TASP1: variants seen among roughly 807,000 people sequenced by gnomAD.
TASP1 encodes threonine aspartase 1.
TASP1 carries 16 observed loss-of-function variants against 56.6 expected under a neutral mutation model. The ratio of observed to expected loss-of-function variants is 0.28; its 90% CI spans 0.19 to 0.43. TASP1 has a LOEUF of 0.43. TASP1 is among the 20% of genes least tolerant of loss of function. TASP1 has a pLI of 1.00. For synonymous variants in TASP1, 179 were observed against 184.2 expected (o/e 0.97, Z 0.23); for missense variants, 393 against 511.6 (o/e 0.77, Z 2.24).
the TASP1 span, among the ~76,000 whole-genome samples, chr20:13,138,538 C>T: frequency 6.6e-6 from 1 of 152,184 alleles, no homozygotes; most frequent in Non-Finnish European, 1.5e-5. Flanking sequence ...GCACCTTAAG[C>T]ATCAAATACG....
At chr20:13,139,333 T>C in the TASP1 span, among the ~76,000 whole-genome samples, 1 of 151,908 alleles carries the variant, frequency 6.6e-6, no homozygotes, top group African/African-American at 2.4e-5. Flanking sequence ...ATTAGTTAAG[T>C]TATGTTACTT....
At chr20:13,544,799 C>T (rs933903974) in intron 8 of TASP1, among the ~76,000 whole-genome samples, 1 of 152,150 alleles carries the variant, frequency 6.6e-6, no homozygotes, top group Non-Finnish European at 1.5e-5. Context: ...ATTACACTTT[C>T]TCTTTTAAAT....
the TASP1 span, among the ~76,000 whole-genome samples, chr20:13,350,853 C>A: frequency 6.6e-6 from 1 of 151,968 alleles, no homozygotes; most frequent in South Asian, 2.1e-4. Context: ...GTGCATACCA[C>A]CACATCCAGC....
At chr20:13,296,437 C>A in the TASP1 span, among the ~76,000 whole-genome samples, 1 of 152,182 alleles carries the variant, frequency 6.6e-6, no homozygotes, top group Non-Finnish European at 1.5e-5. Flanking sequence ...TGCAGGGAGG[C>A]AAGGGATGTT....
the TASP1 span, among the ~76,000 whole-genome samples, chr20:13,107,826 G>T: frequency 2.1e-5 from 3 of 142,802 alleles, no homozygotes; most frequent in Admixed American, 7.1e-5. Context: ...AGATATTATT[G>T]GTAGCATACA....
At chr20:13,345,404 C>A in the TASP1 span, among the ~76,000 whole-genome samples, 392 of 152,290 alleles carry the variant, frequency 2.6e-3, 2 homozygotes, top group African/African-American at 8.7e-3. Flanking sequence ...GCCCCTGGAA[C>A]CAGCTCGCAA....
In TASP1 at chr20:13,408,315, C is replaced by G. The variant is rs114391476; in HGVS notation, c.1170+9133G>C. On this transcript the variant is annotated intron_variant, in intron 13 of 13. Transcript: ENST00000337743. Reference sequence around the variant, plus strand: ...AGGATCATTTGTTGGCAATGACTGACTTTTGAAATGTTAAGTCAACTGTGC... The same window carrying G: ...AGGATCATTTGTTGGCAATGACTGAGTTTTGAAATGTTAAGTCAACTGTGC... Among the ~76,000 whole-genome samples, 759 of 152,222 alleles carry G rather than the reference C, an allele frequency of 5.0e-3. 4 individuals carry two copies. The highest frequency in any genetic ancestry group is 0.015 in the African/African-American group (617 of 41,556).
the TASP1 span, among the ~76,000 whole-genome samples, chr20:13,169,277 T>C: frequency 1.6e-4 from 25 of 152,272 alleles, no homozygotes; most frequent in Non-Finnish European, 2.6e-4. Context: ...GACATCAGAT[T>C]GGTAGCTTGA....
At chr20:13,428,432 G>A (rs887737321) in intron 12 of TASP1, among the ~76,000 whole-genome samples, 1 of 151,822 alleles carries the variant, frequency 6.6e-6, no homozygotes. Context: ...TACTATATAC[G>A]GCAGCCTCAA....
intron 4 of TASP1, among the ~76,000 whole-genome samples, chr20:13,612,706 C>T (rs567635489): frequency 3.9e-5 from 6 of 152,012 alleles, no homozygotes; most frequent in Non-Finnish European, 8.8e-5. Context: ...TGAACATTAA[C>T]GACTTCAAGA....
At chr20:13,109,958 C>T in the TASP1 span, among the ~76,000 whole-genome samples, 1 of 152,164 alleles carries the variant, frequency 6.6e-6, no homozygotes, top group Non-Finnish European at 1.5e-5. Flanking sequence ...AAAAATAGAC[C>T]TCTGTCTCTC....
the TASP1 span, among the ~76,000 whole-genome samples, chr20:13,145,453 G>T: frequency 6.6e-6 from 1 of 152,060 alleles, no homozygotes; most frequent in African/African-American, 2.4e-5. Flanking sequence ...TCTCTACAAT[G>T]AAAATTACAA....
chr20:13,586,559 GA>G (rs1401089019), intron 5 of TASP1, among the ~76,000 whole-genome samples: 1 of 152,142 alleles, frequency 6.6e-6, no homozygotes, highest in Non-Finnish European at 1.5e-5. Flanking sequence ...CCAGGATTAT[GA>G]AAATGTTCTA....
chr20:13,192,784 G>A, the TASP1 span, among the ~76,000 whole-genome samples: 3 of 151,674 alleles, frequency 2.0e-5, no homozygotes, highest in Admixed American at 2.0e-4. Context: ...AAACTTCTGG[G>A]TTCAAGCCGT....
chr20:13,110,323 G>A, the TASP1 span: 2 of 939,722 alleles, frequency 2.1e-6, no homozygotes, highest in Non-Finnish European at 3.2e-6. Flanking sequence ...ACTTAGAATT[G>A]GTTATATGAC....
chr20:13,304,005 C>T, the TASP1 span, among the ~76,000 whole-genome samples: 2 of 152,214 alleles, frequency 1.3e-5, no homozygotes, highest in Non-Finnish European at 2.9e-5. Flanking sequence ...ACCCAGGGAC[C>T]CAGACTCCTT....
At chr20:13,221,724 C>T in the TASP1 span, 2 of 1,274,596 alleles carry the variant, frequency 1.6e-6, no homozygotes, top group African/African-American at 3.1e-5. Flanking sequence ...CCGGCGTCAC[C>T]GCCGCCGCCG....
chr20:13,608,174 G>T (rs1236698992), intron 4 of TASP1, among the ~76,000 whole-genome samples: 1 of 152,138 alleles, frequency 6.6e-6, no homozygotes, highest in Non-Finnish European at 1.5e-5. Flanking sequence ...TGTACAATAT[G>T]CCTATCTTAG....
At chr20:13,149,049 C>T in the TASP1 span, among the ~76,000 whole-genome samples, 3 of 152,210 alleles carry the variant, frequency 2.0e-5, no homozygotes, top group Non-Finnish European at 4.4e-5. Context: ...TCCCATTCCA[C>T]TTAACTCCAA....
Sources: gnomAD v4.1 joint callset for allele counts (sites outside exome capture counted in the v4.1 genomes callset) on GRCh38, gnomAD v4.1.1 for gene constraint, MANE v1.5 for transcripts, NCBI Gene and HGNC (gene_info 2026-07-23, HGNC 2026-07-21) for gene names.